ZFHX3: variants seen among roughly 807,000 people sequenced by gnomAD.
The protein encoded by ZFHX3 is zinc finger homeobox 3.
In ZFHX3, 42 loss-of-function variants were observed where a neutral mutation model predicts 279.1. The ratio of observed to expected loss-of-function variants is 0.15; its 90% CI spans 0.12 to 0.19. The LOEUF (loss-of-function observed/expected upper bound fraction) is 0.19. Among genes scored for constraint, ZFHX3 ranks in the 10% least tolerant of loss-of-function variants. The pLI is 1.00. For synonymous variants in ZFHX3, 2,293 were observed against 1,957.8 expected (o/e 1.17, Z -4.52); for missense variants, 4,981 against 4,754.0 (o/e 1.05, Z -1.40).
chr16:72,876,763 A>T (rs775264987), intron 4 of ZFHX3, among the ~76,000 whole-genome samples: 26 of 152,130 alleles, frequency 1.7e-4, no homozygotes, highest in Admixed American at 5.2e-4. Flanking sequence ...AAAGAAACAA[A>T]CAGAAAAAGC....
At chr16:73,701,727 A>C (rs2053248956) in intron 1 of ZFHX3, among the ~76,000 whole-genome samples, 1 of 152,152 alleles carries the variant, frequency 6.6e-6, no homozygotes, top group Admixed American at 6.5e-5. Context: ...AATTCTAAAA[A>C]ATGACCCCTG....
At chr16:73,853,772 C>T (rs1961649382) in intron 1 of ZFHX3, among the ~76,000 whole-genome samples, 2 of 152,094 alleles carry the variant, frequency 1.3e-5, no homozygotes, top group South Asian at 4.1e-4. Flanking sequence ...GCCCAATCCC[C>T]ACCAGTATGC....
intron 4 of ZFHX3, among the ~76,000 whole-genome samples, chr16:72,873,082 T>C (rs1407595643): frequency 6.6e-6 from 1 of 152,218 alleles, no homozygotes; most frequent in Non-Finnish European, 1.5e-5. Flanking sequence ...GCCCAGAGTA[T>C]TTACTTCCTG....
At chr16:73,347,541 G>A (rs1473034989) in intron 3 of ZFHX3, among the ~76,000 whole-genome samples, 2 of 152,252 alleles carry the variant, frequency 1.3e-5, no homozygotes, top group African/African-American at 4.8e-5. Flanking sequence ...ACCAGGAGCA[G>A]GGAGGCTCAG....
chr16:73,743,149 G>C (rs1385522127), intron 1 of ZFHX3, among the ~76,000 whole-genome samples: 1 of 152,122 alleles, frequency 6.6e-6, no homozygotes, highest in Non-Finnish European at 1.5e-5. Context: ...ACTACAACTT[G>C]CTTTTTTTCT....
At chr16:72,900,974 C>T (rs543824924) in intron 3 of ZFHX3, among the ~76,000 whole-genome samples, 1 of 152,346 alleles carries the variant, frequency 6.6e-6, no homozygotes, top group African/African-American at 2.4e-5. Context: ...TAGCAAACTG[C>T]ACTTGATAAA....
intron 5 of ZFHX3, among the ~76,000 whole-genome samples, chr16:73,251,118 C>A (rs574355031): frequency 1.3e-5 from 2 of 152,118 alleles, no homozygotes; most frequent in Admixed American, 1.3e-4. Flanking sequence ...AGTTAAAACT[C>A]AAAAAAGTGT....
intron 8 of ZFHX3, among the ~76,000 whole-genome samples, chr16:73,078,611 C>T: frequency 6.6e-6 from 1 of 151,960 alleles, no homozygotes; most frequent in East Asian, 1.9e-4. Context: ...GATTGCTAGA[C>T]AGTGCTGGGA....
intron 3 of ZFHX3, among the ~76,000 whole-genome samples, chr16:73,356,801 C>A (rs1434947682): frequency 6.6e-6 from 1 of 150,538 alleles, no homozygotes; most frequent in Non-Finnish European, 1.5e-5. Context: ...TACATGAAGG[C>A]TGTTTGCTGC....
At chr16:72,832,680 A>G (rs985451568) in intron 4 of ZFHX3, among the ~76,000 whole-genome samples, 1 of 150,430 alleles carries the variant, frequency 6.6e-6, no homozygotes, top group Admixed American at 6.6e-5. Flanking sequence ...CCTAAAAAGC[A>G]GGTCCCATTC....
chr16:73,617,194 C>A (rs1051244225), intron 2 of ZFHX3, among the ~76,000 whole-genome samples: 1 of 152,210 alleles, frequency 6.6e-6, no homozygotes, highest in Non-Finnish European at 1.5e-5. Context: ...GAGGAAGGGG[C>A]CCTATCATTA....
chr16:72,949,259 G>C (rs1960854465), intron 3 of ZFHX3, among the ~76,000 whole-genome samples: 1 of 152,154 alleles, frequency 6.6e-6, no homozygotes, highest in East Asian at 1.9e-4. Flanking sequence ...ACTAGCTCGG[G>C]GCCAGCAGAA....
chr16:73,635,308 TC>T (rs2052517495), intron 2 of ZFHX3, among the ~76,000 whole-genome samples: 1 of 152,206 alleles, frequency 6.6e-6, no homozygotes, highest in African/African-American at 2.4e-5. Context: ...TTCACTGATA[TC>T]CCTTCTTTCC....
chr16:73,347,656 A>G (rs553771077), intron 3 of ZFHX3, among the ~76,000 whole-genome samples: 1 of 152,260 alleles, frequency 6.6e-6, no homozygotes, highest in Non-Finnish European at 1.5e-5. Context: ...GCTGAGAACT[A>G]CACTCTCTAT....
At chr16:72,906,657 G>A (rs2039180894) in intron 3 of ZFHX3, among the ~76,000 whole-genome samples, 2 of 152,108 alleles carry the variant, frequency 1.3e-5, no homozygotes, top group African/African-American at 2.4e-5. Flanking sequence ...AATTAGCCAG[G>A]CATGGTGGCA....
intron 3 of ZFHX3, among the ~76,000 whole-genome samples, chr16:72,947,206 C>T (rs574467005): frequency 6.6e-6 from 1 of 152,304 alleles, no homozygotes; most frequent in East Asian, 1.9e-4. Flanking sequence ...TCGGGCCCTG[C>T]GGCATTCCCC....
At chr16:72,996,871 G>C (rs1963314279) in intron 1 of ZFHX3, among the ~76,000 whole-genome samples, 1 of 152,206 alleles carries the variant, frequency 6.6e-6, no homozygotes, top group Non-Finnish European at 1.5e-5. Flanking sequence ...AGAAGCTTAA[G>C]GTCAGCCTCG....
chr16:73,545,646 C>CT (rs1286416036), intron 2 of ZFHX3, among the ~76,000 whole-genome samples: 3 of 152,144 alleles, frequency 2.0e-5, no homozygotes, highest in Admixed American at 2.0e-4. Context: ...TTCTTCTTGC[C>CT]TTTATCTTTG....
At chr16:73,009,574 C>T (rs946555094) in intron 1 of ZFHX3, among the ~76,000 whole-genome samples, 5 of 151,974 alleles carry the variant, frequency 3.3e-5, no homozygotes, top group Non-Finnish European at 7.4e-5. Flanking sequence ...AAATCTATAA[C>T]GTTTTATGCA....
Sources: allele counts gnomAD v4.1 joint callset (sites outside exome capture counted in the v4.1 genomes callset), GRCh38; gene constraint gnomAD v4.1.1; transcripts MANE v1.5; gene names NCBI Gene and HGNC (gene_info 2026-07-23, HGNC 2026-07-21).